The following BTBD9 variants were observed in gnomAD, a reference collection of about 807,000 sequenced individuals.
BTBD9 encodes BTB domain containing 9, also known as BTB/POZ domain-containing protein 9.
BTBD9 carries 49 observed loss-of-function variants against 64.3 expected under a neutral mutation model. The observed-to-expected ratio is 0.76, with a 90% confidence interval of 0.61 to 0.97. BTBD9 has a LOEUF of 0.97. BTBD9 is among the 50% of genes least tolerant of loss of function. BTBD9 has a pLI of 0.00. For missense variants in BTBD9, 598 were observed against 762.1 expected, an observed-to-expected ratio of 0.78 and a Z score of 2.53; for synonymous variants, 260 against 274.7, an observed-to-expected ratio of 0.95 and a Z score of 0.53.
chr6:38,496,397 C>A (rs1298227570), intron 6 of BTBD9, among the ~76,000 whole-genome samples: 1 of 152,010 alleles, frequency 6.6e-6, no homozygotes, highest in Non-Finnish European at 1.5e-5. Flanking sequence ...AACCATAGTA[C>A]TTTGGGAGGC....
chr6:38,317,277 A>G (rs1410684625), intron 7 of BTBD9, among the ~76,000 whole-genome samples: 4 of 152,174 alleles, frequency 2.6e-5, no homozygotes, highest in Admixed American at 6.5e-5. Flanking sequence ...TACAGGCATG[A>G]GCCACCGTGC....
At chr6:38,495,899 CATGTTT>C (rs1201213699) in intron 6 of BTBD9, among the ~76,000 whole-genome samples, 2 of 152,240 alleles carry the variant, frequency 1.3e-5, no homozygotes, top group African/African-American at 2.4e-5. Flanking sequence ...TCTCTTTCTT[CATGTTT>C]AAGTATTAAG....
At chr6:38,182,378 G>A in intron 10 of BTBD9, among the ~76,000 whole-genome samples, 1 of 152,124 alleles carries the variant, frequency 6.6e-6, no homozygotes. Flanking sequence ...TAATGGATTC[G>A]GCTATAGAGT....
At chr6:38,464,636 C>T (rs1770260188) in intron 6 of BTBD9, among the ~76,000 whole-genome samples, 1 of 152,106 alleles carries the variant, frequency 6.6e-6, no homozygotes, top group South Asian at 2.1e-4. Context: ...GCTAGGATTA[C>T]AGGTGCCTGC....
At chr6:38,456,288 T>C (rs1210787958) in intron 6 of BTBD9, among the ~76,000 whole-genome samples, 1 of 152,240 alleles carries the variant, frequency 6.6e-6, no homozygotes, top group African/African-American at 2.4e-5. Flanking sequence ...GTGCCCGACT[T>C]GTTTTTGTAA....
intron 1 of BTBD9, among the ~76,000 whole-genome samples, chr6:38,609,574 A>G (rs2127510682): frequency 6.6e-6 from 1 of 152,340 alleles, no homozygotes; most frequent in Non-Finnish European, 1.5e-5. Context: ...AATTAAAAAA[A>G]GACACAGAAT....
chr6:38,414,757 A>G (rs914632079), intron 6 of BTBD9, among the ~76,000 whole-genome samples: 1 of 152,076 alleles, frequency 6.6e-6, no homozygotes, highest in Admixed American at 6.5e-5. Context: ...GCTGTTCATC[A>G]GTATCCTTCT....
chr6:38,533,344 A>G (rs900979116), intron 6 of BTBD9, among the ~76,000 whole-genome samples: 6 of 152,188 alleles, frequency 3.9e-5, no homozygotes, highest in African/African-American at 1.4e-4. Flanking sequence ...TAAAGGGGTC[A>G]ATTCAGTAAG....
intron 10 of BTBD9, among the ~76,000 whole-genome samples, chr6:38,175,712 G>A (rs1761207802): frequency 6.6e-6 from 1 of 152,212 alleles, no homozygotes; most frequent in South Asian, 2.1e-4. Context: ...TCATTGGTGT[G>A]TCTGCAGGGT....
At chr6:38,328,612 T>TGTGTGTGTGTGTGTGTGTGTGTG (rs59797302) in intron 7 of BTBD9, among the ~76,000 whole-genome samples, 3 of 134,520 alleles carry the variant, frequency 2.2e-5, no homozygotes, top group Admixed American at 1.5e-4. Flanking sequence ...TGTGTGTGTG[T>TGTGTGTGTGTGTGTGTGTGTGTG]TTTATGGCTG....
intron 1 of BTBD9, among the ~76,000 whole-genome samples, chr6:38,626,891 T>C (rs1483329183): frequency 2.6e-5 from 4 of 152,172 alleles, no homozygotes; most frequent in African/African-American, 9.7e-5. Context: ...CTTGAGAGAA[T>C]TAACCTTCCT....
At chr6:38,420,756 C>T (rs1562160645) in intron 6 of BTBD9, among the ~76,000 whole-genome samples, 2 of 151,778 alleles carry the variant, frequency 1.3e-5, no homozygotes, top group Admixed American at 6.5e-5. Flanking sequence ...CTCAGGAGGC[C>T]GAGGCAGGAG....
intron 9 of BTBD9, among the ~76,000 whole-genome samples, chr6:38,224,527 T>A (rs1480783628): frequency 6.6e-6 from 1 of 152,196 alleles, no homozygotes; most frequent in Non-Finnish European, 1.5e-5. Flanking sequence ...ACACAAAGGC[T>A]TTTTAGAGAT....
Position 38,251,095 on chromosome 6 carries a change from A to C in BTBD9, c.1562+5314T>G, listed in dbSNP as rs184507016. ...AGACTATGTCTCAGAAAAAAAAAAA[A>C]TAATAATAATAATAATAGAGGTTTA... On this transcript the variant is annotated intron_variant, in intron 9 of 10. Coordinates refer to ENST00000481247, the MANE Select transcript of BTBD9 (RefSeq NM_001099272.2). Among the ~76,000 whole-genome samples the C allele has an allele frequency of 1.5e-3, 228 of 148,210 alleles. 1 individual carries two copies. Among genetic ancestry groups the C allele is most frequent in the African/African-American group, 5.2e-3 (212 of 40,416 alleles).
intron 9 of BTBD9, among the ~76,000 whole-genome samples, chr6:38,206,178 A>T (rs754260325): frequency 4.6e-5 from 7 of 151,950 alleles, no homozygotes; most frequent in Non-Finnish European, 8.8e-5. Flanking sequence ...CAGTGATAGT[A>T]CACAGAAAAT....
intron 8 of BTBD9, among the ~76,000 whole-genome samples, chr6:38,258,220 A>G (rs956706541): frequency 2.2e-4 from 34 of 152,156 alleles, no homozygotes; most frequent in African/African-American, 7.9e-4. Context: ...TCCTGACCTC[A>G]GGTGATCCAC....
chr6:38,437,270 G>A (rs932793542), intron 6 of BTBD9, among the ~76,000 whole-genome samples: 2 of 152,186 alleles, frequency 1.3e-5, no homozygotes, highest in East Asian at 3.9e-4. Flanking sequence ...GTAGCGAAGG[G>A]AGGGTCACGG....
chr6:38,303,199 C>G (rs1013534768), intron 7 of BTBD9, among the ~76,000 whole-genome samples: 4 of 152,008 alleles, frequency 2.6e-5, no homozygotes, highest in Non-Finnish European at 2.9e-5. Flanking sequence ...GGGGTCTTAT[C>G]CAAAAAATTC....
chr6:38,526,564 C>T (rs891001089), intron 6 of BTBD9, among the ~76,000 whole-genome samples: 6 of 152,200 alleles, frequency 3.9e-5, no homozygotes, highest in African/African-American at 1.4e-4. Flanking sequence ...CAGCTTGCAC[C>T]GTGCACCTGG....
Sources: allele counts gnomAD v4.1 joint callset (sites outside exome capture counted in the v4.1 genomes callset), GRCh38; gene constraint gnomAD v4.1.1; transcripts MANE v1.5; gene names NCBI Gene and HGNC (gene_info 2026-07-23, HGNC 2026-07-21).